GRIN2B: variants seen among roughly 807,000 people sequenced by gnomAD.
GRIN2B encodes the protein glutamate ionotropic receptor NMDA type subunit 2B, also known as glutamate receptor ionotropic, NMDA 2B.
Under a neutral mutation model 114.5 loss-of-function variants are expected in GRIN2B, and 5 were observed. That is an observed-to-expected ratio of 0.04 (90% confidence interval 0.02 to 0.09). GRIN2B has a LOEUF of 0.09. Among genes scored for constraint, GRIN2B ranks in the 10% least tolerant of loss-of-function variants. The pLI, the probability that GRIN2B is intolerant of heterozygous loss-of-function variation, is 1.00. For missense variants in GRIN2B, 1,108 were observed against 1,943.5 expected, an observed-to-expected ratio of 0.57 and a Z score of 8.08; for synonymous variants, 787 against 745.1, an observed-to-expected ratio of 1.06 and a Z score of -0.92.
intron 3 of GRIN2B, among the ~76,000 whole-genome samples, chr12:13,856,146 G>T (rs1026834270): frequency 2.6e-4 from 40 of 152,184 alleles, no homozygotes; most frequent in African/African-American, 9.4e-4. Context: ...AGTGGACAAG[G>T]GGTGGGCAAG....
At chr12:13,823,748 T>C (rs1384405465) in intron 3 of GRIN2B, among the ~76,000 whole-genome samples, 1 of 152,070 alleles carries the variant, frequency 6.6e-6, no homozygotes, top group African/African-American at 2.4e-5. Flanking sequence ...GGGGAAAATA[T>C]ATTCACTTTT....
At chr12:13,784,205 C>A (rs1232431606) in intron 3 of GRIN2B, among the ~76,000 whole-genome samples, 1 of 114,138 alleles carries the variant, frequency 8.8e-6, no homozygotes, top group East Asian at 3.1e-4. Context: ...GCCTGGGCAA[C>A]AGAGTGAGAC....
At chr12:13,961,896 G>A (rs979984556) in intron 2 of GRIN2B, among the ~76,000 whole-genome samples, 10 of 152,102 alleles carry the variant, frequency 6.6e-5, no homozygotes, top group African/African-American at 2.2e-4. Context: ...GTGTGAGAGA[G>A]GTGGTGGGAG....
chr12:13,603,931 G>T (rs1949201593), intron 10 of GRIN2B, among the ~76,000 whole-genome samples: 1 of 151,902 alleles, frequency 6.6e-6, no homozygotes. Context: ...TGTAAAATGA[G>T]AATAATCATA....
At chr12:13,766,337 T>C (rs1324232017) in intron 3 of GRIN2B, among the ~76,000 whole-genome samples, 1 of 152,224 alleles carries the variant, frequency 6.6e-6, no homozygotes, top group East Asian at 1.9e-4. Flanking sequence ...GCACTATGTC[T>C]GGACAACTCT....
chr12:13,746,052 T>TG lies in GRIN2B; in HGVS notation c.1010+7264_1010+7265insC, dbSNP rs1209666073. 1.5e-3 allele frequency among the ~76,000 whole-genome samples: 226 copies of TG among 152,052 alleles called. 2 individuals carry two copies. The highest frequency in any genetic ancestry group is 5.3e-3 in the African/African-American group (219 of 41,544). ...AAAAAAATTTTTTAAATATAATTTATACAGTATATCAGATATGTGCTATGT... is the reference window on the plus strand; with the variant it reads ...AAAAAAATTTTTTAAATATAATTTATGACAGTATATCAGATATGTGCTATGT... On this transcript the variant is annotated intron_variant, in intron 4 of 13. Transcript: ENST00000609686.
chr12:13,614,016 CAAAAAAAAAAA>C (rs77527098), intron 8 of GRIN2B, among the ~76,000 whole-genome samples: 12 of 92,908 alleles, frequency 1.3e-4, no homozygotes, highest in African/African-American at 4.5e-4. Flanking sequence ...CCTTGCACAG[CAAAAAAAAAAA>C]AAAAAAAAAA....
chr12:13,569,750 A>G, intron 12 of GRIN2B, 80 bp downstream of exon 12: 1 of 901,098 alleles, frequency 1.1e-6, no homozygotes, highest in Non-Finnish European at 1.7e-6. Flanking sequence ...GGTTAAAGAA[A>G]TGGAAGAAAA....
intron 2 of GRIN2B, among the ~76,000 whole-genome samples, chr12:13,926,026 C>G (rs1416351591): frequency 1.3e-5 from 2 of 151,978 alleles, no homozygotes; most frequent in Non-Finnish European, 2.9e-5. Context: ...GGCAATGGAA[C>G]GGGGCAAGAA....
At chr12:13,883,518 C>A (rs1866100549) in intron 2 of GRIN2B, among the ~76,000 whole-genome samples, 1 of 151,936 alleles carries the variant, frequency 6.6e-6, no homozygotes, top group African/African-American at 2.4e-5. Flanking sequence ...AGTGGTAGCT[C>A]ATTGTAGTTT....
rs972491533 is a variant in GRIN2B at position 13,601,760 on chromosome 12, A to T, written c.2010+6843T>A. Among the ~76,000 whole-genome samples, 9 of 152,198 alleles carry T rather than the reference A, an allele frequency of 5.9e-5. No individual in the cohort carries two copies. The East Asian group carries it at 1.7e-3, about 29-fold the overall frequency. ...GGGAAGGAGTAAAAGGCAACTGTGA[A>T]GCCTTGCTAGGAACCCAGTCATCAA... On this transcript the variant is annotated intron_variant, in intron 10 of 13. Coordinates refer to ENST00000609686, the MANE Select transcript of GRIN2B (RefSeq NM_000834.5).
chr12:13,830,897 T>C (rs1394486163), intron 3 of GRIN2B, among the ~76,000 whole-genome samples: 1 of 152,188 alleles, frequency 6.6e-6, no homozygotes, highest in African/African-American at 2.4e-5. Context: ...GCAAGTGCTG[T>C]AGTTTGACCG....
intron 2 of GRIN2B, among the ~76,000 whole-genome samples, chr12:13,899,173 A>G (rs1465962015): frequency 1.3e-5 from 2 of 152,250 alleles, no homozygotes; most frequent in African/African-American, 4.8e-5. Flanking sequence ...TCTGGAATCA[A>G]GACCACATTA....
At chr12:13,830,435 T>C (rs543632844) in intron 3 of GRIN2B, among the ~76,000 whole-genome samples, 1 of 152,326 alleles carries the variant, frequency 6.6e-6, no homozygotes, top group African/African-American at 2.4e-5. Context: ...ATTTCTTTCA[T>C]TTCTTAATGA....
chr12:13,786,348 T>C (rs1412742459), intron 3 of GRIN2B, among the ~76,000 whole-genome samples: 1 of 152,116 alleles, frequency 6.6e-6, no homozygotes, highest in Non-Finnish European at 1.5e-5. Context: ...GAACTAAATG[T>C]CCTATATACC....
intron 4 of GRIN2B, among the ~76,000 whole-genome samples, chr12:13,700,193 T>C (rs1297630893): frequency 6.6e-6 from 1 of 152,106 alleles, no homozygotes; most frequent in Non-Finnish European, 1.5e-5. Context: ...TTTATTCTCA[T>C]TGTATTCCTA....
At chr12:13,576,800 T>C (rs1252822808) in intron 10 of GRIN2B, among the ~76,000 whole-genome samples, 1 of 152,190 alleles carries the variant, frequency 6.6e-6, no homozygotes, top group Non-Finnish European at 1.5e-5. Context: ...CGATCCGCTC[T>C]GCTCGGCCTC....
chr12:13,809,592 T>A (rs1591744684), intron 3 of GRIN2B, among the ~76,000 whole-genome samples: 1 of 152,124 alleles, frequency 6.6e-6, no homozygotes, highest in African/African-American at 2.4e-5. Context: ...ATTCATAAAG[T>A]AAAATATTAG....
In GRIN2B at chr12:13,563,004, CCACCGT is replaced by C; in HGVS notation, c.4228_4233del (p.Thr1410_Val1411del). The C allele has an allele frequency of 1.9e-6, 3 of 1,613,454 alleles. No individual in the cohort carries two copies. Among genetic ancestry groups the C allele is most frequent in the Non-Finnish European group, 2.5e-6 (3 of 1,179,422 alleles). The stretch of plus-strand genomic sequence containing the variant: ...TCCGGCCTGGCTTTCGACGCCCCCG[CCACCGT>C]GGGCTGCCTGAAGAAGTAGGATTTG... On this transcript the variant is annotated inframe_deletion, in exon 14 of 14. Coordinates refer to ENST00000609686, the MANE Select transcript of GRIN2B (RefSeq NM_000834.5).
Sources: allele counts gnomAD v4.1 joint callset (sites outside exome capture counted in the v4.1 genomes callset), GRCh38; gene constraint gnomAD v4.1.1; transcripts MANE v1.5; gene names NCBI Gene and HGNC (gene_info 2026-07-23, HGNC 2026-07-21).